The following PIP5K1C variants were observed in gnomAD, a reference collection of about 807,000 sequenced individuals.
The protein encoded by PIP5K1C is phosphatidylinositol 4-phosphate 5-kinase type-1 gamma.
A neutral mutation model predicts 80.1 loss-of-function variants in PIP5K1C; 45 were observed. That is an observed-to-expected ratio of 0.56 (90% CI 0.44 to 0.72). The LOEUF is 0.72. PIP5K1C is among the 30% of genes least tolerant of loss of function. The pLI is 0.00. For synonymous variants in PIP5K1C, 498 were observed against 420.1 expected, an observed-to-expected ratio of 1.19 and a Z score of -2.27; for missense variants, 753 against 954.6, an observed-to-expected ratio of 0.79 and a Z score of 2.78.
At chr19:3,669,778 T>C (rs1187044568) in intron 1 of PIP5K1C, 3 of 151,594 alleles carry the variant, frequency 2.0e-5, no homozygotes, top group South Asian at 2.1e-4. Context: ...CCCACGTGTG[T>C]CCCATCCAGA....
At position 3,684,532 on chromosome 19, in the gene PIP5K1C, C is replaced by T. The variant is rs554050124; in HGVS notation, c.94+15765G>A. Among the ~76,000 whole-genome samples the T allele has an allele frequency of 3.9e-5, 6 of 152,342 alleles. No homozygotes were observed. The East Asian group carries it at 7.7e-4, about 20-fold the overall frequency. On this transcript the variant is annotated intron_variant, in intron 1 of 17. Transcript: ENST00000335312. The stretch of plus-strand genomic sequence containing the variant: ...GCCAGGCTGGAGGGTGGCAGCAATG[C>T]GGAGAGAGGCCTGGGACAGGAGGCC...
At chr19:3,649,996 C>A in intron 8 of PIP5K1C, 1 of 185,254 alleles carries the variant, frequency 5.4e-6, no homozygotes, top group Non-Finnish European at 1.1e-5. Context: ...GTACGCTCAC[C>A]TGCTCCCCCG....
chr19:3,650,842 C>T (rs1722062161), intron 8 of PIP5K1C, among the ~76,000 whole-genome samples: 2 of 152,084 alleles, frequency 1.3e-5, no homozygotes, highest in Non-Finnish European at 2.9e-5. Context: ...CTGCAACCTC[C>T]ACCTCCTGGG....
intron 11 of PIP5K1C, 92 bp from the exon 12 acceptor site, chr19:3,644,343 C>T: frequency 1.5e-6 from 2 of 1,293,168 alleles, no homozygotes; most frequent in Non-Finnish European, 2.2e-6. Flanking sequence ...CCCCACGTCC[C>T]TGTGGCCCAC....
Position 3,644,123 on chromosome 19 carries a change from G to A in PIP5K1C, c.1474C>T (p.Arg492Trp), listed in dbSNP as rs763799116. ...AGCGTGGGGTAGCTGCGGGCCCCCC[G>A]CAGGTCGTACTGGGCCTCCTCCCGC... ...SEREEAQYDLRGARSYPTLED... is the reference protein window; with the variant it reads ...SEREEAQYDLWGARSYPTLED... The change falls in exon 12 of 18, where the codon CGG becomes TGG. Residue 492 changes from arginine to tryptophan, a missense_variant. Coordinates refer to ENST00000335312, the MANE Select transcript of PIP5K1C (RefSeq NM_012398.3). 1.8e-5 allele frequency: 29 copies of A among 1,611,578 alleles called. No individual in the cohort carries two copies. Among genetic ancestry groups the A allele is most frequent in the Admixed American group, 3.3e-5 (2 of 60,016 alleles).
intron 8 of PIP5K1C, among the ~76,000 whole-genome samples, chr19:3,650,565 C>A (rs1007971147): frequency 6.6e-6 from 1 of 152,200 alleles, no homozygotes; most frequent in African/African-American, 2.4e-5. Flanking sequence ...GACAGCCCCA[C>A]CCCAGAGAAT....
Position 3,644,129 on chromosome 19 carries a change from C to A in PIP5K1C, c.1468G>T (p.Asp490Tyr), listed in dbSNP as rs1020800127. The change falls in exon 12 of 18, where the codon GAC becomes TAC. Residue 490 changes from aspartate to tyrosine, a missense_variant. Transcript: ENST00000335312. ...IPSEREEAQY[D>Y]LRGARSYPTL... ...GGGTAGCTGCGGGCCCCCCGCAGGT[C>A]GTACTGGGCCTCCTCCCGCTCGCTA... 6.2e-7 allele frequency: 1 copy of A among 1,611,706 alleles called. No individual in the cohort carries two copies. Among genetic ancestry groups the A allele is most frequent in the African/African-American group, 1.3e-5 (1 of 74,908 alleles).
chr19:3,662,713 G>A (rs982885832), intron 3 of PIP5K1C, among the ~76,000 whole-genome samples: 2 of 151,956 alleles, frequency 1.3e-5, no homozygotes, highest in Admixed American at 6.6e-5. Context: ...TTATAGGTGC[G>A]CGCCGTCACG....
chr19:3,653,725 A>AC lies in PIP5K1C; in HGVS notation c.622-137dup. The AC allele has an allele frequency of 3.8e-6, 3 of 789,870 alleles. No homozygotes were observed. In the South Asian group the frequency reaches 5.5e-5, roughly 15 times the overall value. 48.9% of individuals were successfully genotyped at this position (789,870 alleles called of 1,614,324 possible). ...CCTCTCTCCCCAGAAGCCCTCGGGG[A>AC]CCCCGTTCCTATGCAGGCACCCAGC... On this transcript the variant is annotated intron_variant, in intron 6 of 17. Transcript: ENST00000335312.
intron 13 of PIP5K1C, 68 bp downstream of exon 13, chr19:3,643,175 G>GCA (rs1302985179): frequency 5.0e-6 from 8 of 1,600,948 alleles, no homozygotes; most frequent in East Asian, 2.2e-5. Flanking sequence ...CCGCCCACAT[G>GCA]CAGTGAATGC....
chr19:3,689,572 C>T (rs894971850), intron 1 of PIP5K1C, among the ~76,000 whole-genome samples: 6 of 152,144 alleles, frequency 3.9e-5, no homozygotes, highest in African/African-American at 1.4e-4. Context: ...TTGCTTGAAA[C>T]CGGAAGACAG....
At chr19:3,663,922 G>A (rs749453021) in intron 3 of PIP5K1C, among the ~76,000 whole-genome samples, 1 of 152,134 alleles carries the variant, frequency 6.6e-6, no homozygotes, top group Non-Finnish European at 1.5e-5. Flanking sequence ...TCACACACAC[G>A]TGTCCTCAGC....
In PIP5K1C at chr19:3,688,936, T is replaced by A. The variant is rs1466243305; in HGVS notation, c.94+11361A>T. ...GCAAATGGGCGGGGGCCTGGGAGAG[T>A]GCCCGGGATGGGGCTGGGGGGTGGG... On this transcript the variant is annotated intron_variant, in intron 1 of 17. Transcript: ENST00000335312. The surrounding 1 kb of genome is among the most constrained non-coding windows in gnomAD (Gnocchi z 5.3). Among the ~76,000 whole-genome samples the A allele has an allele frequency of 7.1e-6, 1 of 141,440 alleles. No individual in the cohort carries two copies. The highest frequency in any genetic ancestry group is 1.5e-5 in the Non-Finnish European group (1 of 65,324). The allele number at this position is 141,440 out of a possible 152,430, so 92.8% of individuals were successfully genotyped here. A position where few individuals can be genotyped will look rare whatever the true frequency, so the allele number is the denominator to read the frequency against.
chr19:3,669,015 G>A (rs2035113837), intron 1 of PIP5K1C, among the ~76,000 whole-genome samples: 1 of 152,218 alleles, frequency 6.6e-6, no homozygotes, highest in Admixed American at 6.5e-5. Flanking sequence ...GGGGCATGGA[G>A]ACAAATGCTT....
intron 3 of PIP5K1C, among the ~76,000 whole-genome samples, chr19:3,663,024 C>A (rs373584031): frequency 3.3e-5 from 5 of 152,066 alleles, no homozygotes; most frequent in African/African-American, 1.2e-4. Context: ...GCACACCCGG[C>A]TAATTATTTT....
rs1209817611 is a variant in PIP5K1C at position 3,648,491 on chromosome 19, ACTGCAGACCCAGGCGCCCACCTGTGGGG to A, written c.1211+106_1211+133del. The stretch of plus-strand genomic sequence containing the variant: ...CTGGGGGCGCCCATCCACCTGTGGG[ACTGCAGACCCAGGCGCCCACCTGTGGGG>A]CTGCAGACCCGGGCGCCCACCTGTG... On this transcript the variant is annotated intron_variant, in intron 9 of 17. Coordinates refer to ENST00000335312, the MANE Select transcript of PIP5K1C (RefSeq NM_012398.3). The surrounding 1 kb of genome is among the most constrained non-coding windows in gnomAD (Gnocchi z 4.3). The A allele has an allele frequency of 1.9e-4, 157 of 819,992 alleles. 1 individual carries two copies. The highest frequency in any genetic ancestry group is 1.5e-3 in the East Asian group (56 of 38,314). 50.8% of individuals were successfully genotyped at this position (819,992 alleles called of 1,614,324 possible).
chr19:3,688,747 A>G lies in PIP5K1C; in HGVS notation c.94+11550T>C, dbSNP rs2035851104. Among the ~76,000 whole-genome samples the G allele has an allele frequency of 6.6e-6, 1 of 150,438 alleles. No individual in the cohort carries two copies. The highest frequency in any genetic ancestry group is 2.1e-4 in the South Asian group (1 of 4,758). On this transcript the variant is annotated intron_variant, in intron 1 of 17. Coordinates refer to ENST00000335312, the MANE Select transcript of PIP5K1C (RefSeq NM_012398.3). This position sits in a 1 kb window ranked among gnomAD's most constrained non-coding sequence, Gnocchi z 5.3. ...TGAGAGCGGAAAGAGAGAGAGAGAG[A>G]GGAGAGTGGGGGGAGAACGAGAGCG... is the stretch of plus-strand genomic sequence containing the variant.
Position 3,642,888 on chromosome 19 carries a change from G to A in PIP5K1C, c.1682+19C>T. The A allele has an allele frequency of 1.2e-6, 2 of 1,609,206 alleles. No individual in the cohort carries two copies. Among genetic ancestry groups the A allele is most frequent in the Non-Finnish European group, 1.7e-6 (2 of 1,176,084 alleles). ...GAGGAGCTGGTGAGACCCAGGGAAG[G>A]AAGGGGGTTGGGTCTCACCTGCCAT... On this transcript the variant is annotated intron_variant, in intron 14 of 17. Transcript: ENST00000335312.
In PIP5K1C at chr19:3,637,954, C is replaced by A; in HGVS notation, c.1920+930G>T. ...TGGGTAGGGGCACAGGCACGCGGCCCGTCCCTCCCTTCTCCAGGGCCAGGT... is the reference window on the plus strand; with the variant it reads ...TGGGTAGGGGCACAGGCACGCGGCCAGTCCCTCCCTTCTCCAGGGCCAGGT... On this transcript the variant is annotated intron_variant, in intron 16 of 17. Transcript: ENST00000335312. This position sits in a 1 kb window ranked among gnomAD's most constrained non-coding sequence, Gnocchi z 7.0. 1 of 1,534,240 alleles carries A rather than the reference C, an allele frequency of 6.5e-7. No homozygotes were observed. Among genetic ancestry groups the A allele is most frequent in the Non-Finnish European group, 8.7e-7 (1 of 1,146,312 alleles).
Sources: gnomAD v4.1 joint callset for allele counts (sites outside exome capture counted in the v4.1 genomes callset) on GRCh38, gnomAD v4.1.1 for gene constraint, Gnocchi (gnomAD v3.1) non-coding constraint, MANE v1.5 for transcripts, NCBI Gene and HGNC (gene_info 2026-07-23, HGNC 2026-07-21) for gene names.